The following ODAD2 variants were observed in gnomAD, a reference collection of about 807,000 sequenced individuals.
The protein encoded by ODAD2 is outer dynein arm docking complex subunit 2.
In ODAD2, 89 loss-of-function variants were observed where a neutral mutation model predicts 106.8. The ratio of observed to expected loss-of-function variants is 0.83; its 90% CI spans 0.70 to 0.99. ODAD2 has a LOEUF of 0.99. Ranked by LOEUF, ODAD2 falls within the 50% of genes least tolerant of loss-of-function variation. ODAD2 has a pLI of 0.00. For missense variants in ODAD2, 1,168 were observed against 1,238.5 expected (o/e 0.94, Z 0.85); for synonymous variants, 404 against 436.2 (o/e 0.93, Z 0.92).
chr10:27,940,897 A>C (rs1590084205), intron 12 of ODAD2, 92 bp from the exon 13 acceptor site: 15 of 1,306,618 alleles, frequency 1.1e-5, no homozygotes, highest in Non-Finnish European at 1.5e-5. Context: ...TACCAAGCTC[A>C]CCTCCGTCAA....
chr10:27,879,290 T>C (rs1241234165), intron 17 of ODAD2, among the ~76,000 whole-genome samples: 2 of 152,118 alleles, frequency 1.3e-5, no homozygotes, highest in East Asian at 1.9e-4. Context: ...TTACATGACA[T>C]TCTTAACCAA....
chr10:27,941,260 G>A (rs1846400830), intron 12 of ODAD2, among the ~76,000 whole-genome samples: 1 of 151,602 alleles, frequency 6.6e-6, no homozygotes, highest in South Asian at 2.1e-4. Flanking sequence ...GAGGTGGGAG[G>A]ATCACTTGAG....
In ODAD2 at chr10:27,930,859, A is replaced by G. The variant is rs11006775; in HGVS notation, c.2495+4151T>C. ...TTAGTTTTGAGCATTCAAACAGTCA[A>G]TCTGGTTTACTCTAAATCTCTAAAA... On this transcript the variant is annotated intron_variant, in intron 16 of 19. Transcript: ENST00000305242. Among the ~76,000 whole-genome samples the G allele has an allele frequency of 1.5e-3, 233 of 152,288 alleles. 1 individual carries two copies. Among genetic ancestry groups the G allele is most frequent in the Non-Finnish European group, 1.5e-3 (99 of 68,024 alleles).
At chr10:27,904,419 T>C (rs1275909376) in intron 17 of ODAD2, 1 of 160,926 alleles carries the variant, frequency 6.2e-6, no homozygotes, top group Non-Finnish European at 1.4e-5. Flanking sequence ...GAGGTTACAG[T>C]GAGCTGAGAT....
chr10:27,959,523 G>A (rs1018227191), intron 10 of ODAD2, among the ~76,000 whole-genome samples: 1 of 152,144 alleles, frequency 6.6e-6, no homozygotes, highest in Admixed American at 6.5e-5. Flanking sequence ...GTGCGTGCCA[G>A]TCTGGACCAC....
intron 19 of ODAD2, among the ~76,000 whole-genome samples, chr10:27,821,813 T>C (rs1836636665): frequency 6.6e-6 from 1 of 152,218 alleles, no homozygotes; most frequent in Non-Finnish European, 1.5e-5. Flanking sequence ...AGACATGTTT[T>C]AATATTCTAA....
chr10:27,996,854 G>C (rs1039915963), intron 1 of ODAD2, among the ~76,000 whole-genome samples: 2 of 152,148 alleles, frequency 1.3e-5, no homozygotes, highest in African/African-American at 2.4e-5. Context: ...TCTGTGTAAG[G>C]CTGGACATCT....
chr10:27,984,954 G>T, intron 4 of ODAD2, 65 bp downstream of exon 4: 1 of 1,052,854 alleles, frequency 9.5e-7, no homozygotes, highest in Non-Finnish European at 1.4e-6. Flanking sequence ...CTGTCACCCA[G>T]GCTGGAGTTC....
intron 16 of ODAD2, among the ~76,000 whole-genome samples, chr10:27,916,174 C>T (rs191007639): frequency 7.8e-4 from 118 of 152,086 alleles, no homozygotes; most frequent in African/African-American, 2.7e-3. Context: ...AAAGAAAGTG[C>T]CAATATAGTA....
chr10:27,833,562 C>T (rs1837641746), intron 19 of ODAD2, among the ~76,000 whole-genome samples: 1 of 152,164 alleles, frequency 6.6e-6, no homozygotes, highest in Non-Finnish European at 1.5e-5. Flanking sequence ...TATCTCTCCT[C>T]AAATACTTTT....
At chr10:27,863,753 C>G (rs115131168) in intron 17 of ODAD2, among the ~76,000 whole-genome samples, 13 of 151,734 alleles carry the variant, frequency 8.6e-5, no homozygotes, top group African/African-American at 3.1e-4. Context: ...AGTTATCCAG[C>G]GTGAAAGGGA....
intron 17 of ODAD2, among the ~76,000 whole-genome samples, chr10:27,867,395 C>A (rs1253556958): frequency 1.3e-5 from 2 of 152,190 alleles, no homozygotes; most frequent in East Asian, 3.8e-4. Context: ...GGTAAAACTA[C>A]AAACTGAAGC....
At chr10:27,966,129 G>GC (rs11417465) in intron 9 of ODAD2, among the ~76,000 whole-genome samples, 57,684 of 151,978 alleles carry the variant, frequency 0.38, 12,339 homozygotes, top group Middle Eastern at 0.58. Context: ...GGCACAGAGA[G>GC]CCCCAATTTT....
intron 7 of ODAD2, among the ~76,000 whole-genome samples, chr10:27,971,610 T>G (rs868177604): frequency 6.6e-6 from 1 of 152,282 alleles, no homozygotes; most frequent in African/African-American, 2.4e-5. Context: ...CTCTATTGAC[T>G]AAAACACATC....
At chr10:27,955,699 GTGTGTGTGTGT>G (rs1564545646) in intron 10 of ODAD2, among the ~76,000 whole-genome samples, 1 of 22,742 alleles carries the variant, frequency 4.4e-5, no homozygotes, top group Non-Finnish European at 1.5e-4. Flanking sequence ...CAATTAAGGT[GTGTGTGTGTGT>G]GTGTGTGTGT....
At chr10:27,899,990 C>T (rs887611533) in intron 17 of ODAD2, among the ~76,000 whole-genome samples, 3 of 152,180 alleles carry the variant, frequency 2.0e-5, no homozygotes, top group Admixed American at 6.5e-5. Context: ...CTCCTCAAGT[C>T]GGTCTCTGAC....
intron 12 of ODAD2, among the ~76,000 whole-genome samples, chr10:27,941,604 T>G (rs2132592076): frequency 6.7e-6 from 1 of 149,984 alleles, no homozygotes; most frequent in African/African-American, 2.4e-5. Flanking sequence ...CAGTTTTTTT[T>G]TTTTTTTTTT....
chr10:27,953,663 A>T (rs1462682942), intron 10 of ODAD2, among the ~76,000 whole-genome samples: 9 of 152,222 alleles, frequency 5.9e-5, no homozygotes, highest in Non-Finnish European at 1.5e-5. Flanking sequence ...AATATTAAAT[A>T]TAAAAAGCAA....
chr10:27,895,118 C>T (rs11006760), intron 17 of ODAD2, among the ~76,000 whole-genome samples: 99,563 of 150,182 alleles, frequency 0.66, 33,278 homozygotes, highest in Middle Eastern at 0.74. Context: ...TTTTAATTTG[C>T]TTTTCTTTAG....
Sources: allele counts gnomAD v4.1 joint callset (sites outside exome capture counted in the v4.1 genomes callset), GRCh38; gene constraint gnomAD v4.1.1; transcripts MANE v1.5; gene names NCBI Gene and HGNC (gene_info 2026-07-23, HGNC 2026-07-21).